Variants in ADAMTS17 observed in about 807,000 individuals in gnomAD.
ADAMTS17 encodes the protein ADAM metallopeptidase with thrombospondin type 1 motif 17.
ADAMTS17 carries 113 observed loss-of-function variants against 141.5 expected under a neutral mutation model. That is an observed-to-expected ratio of 0.80 (90% CI 0.69 to 0.93). The LOEUF (loss-of-function observed/expected upper bound fraction) is 0.93, where lower values mean the gene tolerates loss of function less well. Ranked by LOEUF, ADAMTS17 falls within the 40% of genes least tolerant of loss-of-function variation. The pLI, the probability that ADAMTS17 is intolerant of heterozygous loss-of-function variation, is 0.00. For synonymous variants in ADAMTS17, 768 were observed against 630.6 expected, an observed-to-expected ratio of 1.22 and a Z score of -3.27; for missense variants, 1,659 against 1,517.9, an observed-to-expected ratio of 1.09 and a Z score of -1.54.
At chr15:100,013,477 A>G (rs2061226627) in intron 18 of ADAMTS17, among the ~76,000 whole-genome samples, 1 of 152,178 alleles carries the variant, frequency 6.6e-6, no homozygotes, top group Non-Finnish European at 1.5e-5. Flanking sequence ...CTCAGACAGA[A>G]AGCTTTCAAC....
At chr15:100,330,006 C>T (rs2046002106) in intron 3 of ADAMTS17, among the ~76,000 whole-genome samples, 1 of 152,210 alleles carries the variant, frequency 6.6e-6, no homozygotes, top group African/African-American at 2.4e-5. Context: ...TACAGAAGCA[C>T]AACCCCCAGA....
At chr15:99,983,324 C>G (rs1596151776) in intron 20 of ADAMTS17, among the ~76,000 whole-genome samples, 2 of 152,106 alleles carry the variant, frequency 1.3e-5, no homozygotes, top group East Asian at 1.9e-4. Flanking sequence ...CGCCACCTTT[C>G]AGAGAGGCAG....
intron 2 of ADAMTS17, chr15:100,338,935 T>C (rs2046284914): frequency 7.1e-6 from 7 of 985,082 alleles, no homozygotes; most frequent in Non-Finnish European, 8.4e-6. Flanking sequence ...AGGACCACCT[T>C]GCAAACAAAG....
chr15:100,081,397 C>T (rs1270112423), intron 15 of ADAMTS17, among the ~76,000 whole-genome samples: 1 of 152,152 alleles, frequency 6.6e-6, no homozygotes, highest in Admixed American at 6.5e-5. Flanking sequence ...TTAATAAACT[C>T]CCATATATAT....
intron 8 of ADAMTS17, among the ~76,000 whole-genome samples, chr15:100,156,537 G>A (rs2039444936): frequency 6.6e-6 from 1 of 152,160 alleles, no homozygotes; most frequent in Non-Finnish European, 1.5e-5. Flanking sequence ...CAGTGGAGGG[G>A]GGGCATCCTT....
intron 18 of ADAMTS17, among the ~76,000 whole-genome samples, chr15:100,020,369 C>A (rs1040066822): frequency 6.6e-5 from 10 of 152,202 alleles, no homozygotes; most frequent in Admixed American, 5.9e-4. Flanking sequence ...ACAGGGGAAG[C>A]GCTCCCTCAG....
At chr15:100,168,042 A>C (rs2040017949) in intron 8 of ADAMTS17, among the ~76,000 whole-genome samples, 1 of 152,238 alleles carries the variant, frequency 6.6e-6, no homozygotes, top group African/African-American at 2.4e-5. Flanking sequence ...CCGCAGGACG[A>C]ACAAGGCGGG....
chr15:99,976,462 CTG>C (rs1014133094), intron 20 of ADAMTS17: 4 of 619,814 alleles, frequency 6.5e-6, no homozygotes, highest in South Asian at 1.9e-5. Flanking sequence ...GGGCTGGGCA[CTG>C]TGTGTCATGC....
chr15:100,171,726 A>G lies in ADAMTS17; in HGVS notation c.1182-16406T>C, dbSNP rs559447001. 2.0e-5 allele frequency among the ~76,000 whole-genome samples: 3 copies of G among 152,212 alleles called. No individual in the cohort carries two copies. The East Asian group carries it at 5.8e-4, about 29-fold the overall frequency. ...GACTGGTCATGTTTCTCTACACCTC[A>G]ATGGCCCAGAACCTCCCGGCAGCCT... On this transcript the variant is annotated intron_variant, in intron 8 of 21. Coordinates refer to ENST00000268070, the MANE Select transcript of ADAMTS17 (RefSeq NM_139057.4).
intron 7 of ADAMTS17, among the ~76,000 whole-genome samples, chr15:100,205,746 A>G (rs1157284571): frequency 6.6e-6 from 1 of 152,246 alleles, no homozygotes. Flanking sequence ...TGCGCCGGGC[A>G]GAGTCTAAGC....
intron 13 of ADAMTS17, among the ~76,000 whole-genome samples, chr15:100,116,625 T>G (rs935669418): frequency 6.6e-6 from 1 of 152,254 alleles, no homozygotes; most frequent in African/African-American, 2.4e-5. Context: ...CCTGGCCTGC[T>G]GCCTGCTTCA....
At chr15:100,225,363 A>G (rs1263732320) in intron 7 of ADAMTS17, among the ~76,000 whole-genome samples, 2 of 152,268 alleles carry the variant, frequency 1.3e-5, no homozygotes, top group Admixed American at 1.3e-4. Flanking sequence ...CCAAGAGGGG[A>G]CAAAGGGGAC....
chr15:100,307,128 C>T (rs1293261029), intron 3 of ADAMTS17, among the ~76,000 whole-genome samples: 1 of 152,198 alleles, frequency 6.6e-6, no homozygotes, highest in Admixed American at 6.5e-5. Context: ...TGCAACAGAA[C>T]ACCTCTTTGC....
intron 18 of ADAMTS17, among the ~76,000 whole-genome samples, chr15:100,019,671 T>C (rs2061364808): frequency 6.6e-6 from 1 of 152,202 alleles, no homozygotes; most frequent in South Asian, 2.1e-4. Flanking sequence ...CTTACTGCAA[T>C]CTCCTGATTT....
chr15:100,045,403 A>G (rs1346765187), intron 18 of ADAMTS17, among the ~76,000 whole-genome samples: 1 of 152,154 alleles, frequency 6.6e-6, no homozygotes, highest in Non-Finnish European at 1.5e-5. Flanking sequence ...CTAGAGTTTC[A>G]TTTTAGAAGA....
At chr15:100,108,538 T>C (rs1453719594) in intron 14 of ADAMTS17, among the ~76,000 whole-genome samples, 1 of 152,204 alleles carries the variant, frequency 6.6e-6, no homozygotes. Context: ...CAGCCCTCAA[T>C]GCCTTTGGGA....
At chr15:100,190,291 TCCCAGACCC>T (rs2141585928) in intron 8 of ADAMTS17, among the ~76,000 whole-genome samples, 1 of 152,356 alleles carries the variant, frequency 6.6e-6, no homozygotes, top group Admixed American at 6.5e-5. Context: ...TCCGTGGCTC[TCCCAGACCC>T]CCCAGCCCTT....
rs770999554 is a variant in ADAMTS17, at chr15:100,152,808, GTT to G, written c.1323-48_1323-47del. 6 of 1,594,918 alleles carry G rather than the reference GTT, an allele frequency of 3.8e-6. No individual in the cohort carries two copies. The African/African-American group carries it at 8.3e-5, about 22-fold the overall frequency. On this transcript the variant is annotated intron_variant, in intron 9 of 21. Coordinates refer to ENST00000268070, the MANE Select transcript of ADAMTS17 (RefSeq NM_139057.4). ...GTTGACTTGCAAATGTACTGCCTAG[GTT>G]TTTTTGTTTTCTTTTTCTTTTTTTT...
At chr15:99,995,955 A>C (rs1596183975) in intron 19 of ADAMTS17, among the ~76,000 whole-genome samples, 1 of 151,990 alleles carries the variant, frequency 6.6e-6, no homozygotes, top group Non-Finnish European at 1.5e-5. Context: ...ATTGTCTCAC[A>C]TTTTCCAAAC....
Sources: gnomAD v4.1 joint callset for allele counts (sites outside exome capture counted in the v4.1 genomes callset) on GRCh38, gnomAD v4.1.1 for gene constraint, MANE v1.5 for transcripts, NCBI Gene and HGNC (gene_info 2026-07-23, HGNC 2026-07-21) for gene names.